The following GPRC5A variants were observed in gnomAD, a reference collection of about 807,000 sequenced individuals.
The protein encoded by GPRC5A is retinoic acid-induced protein 3.
A neutral mutation model predicts 22.5 loss-of-function variants in GPRC5A; 19 were observed. The ratio of observed to expected loss-of-function variants is 0.85; its 90% CI spans 0.59 to 1.24. The LOEUF (loss-of-function observed/expected upper bound fraction) is 1.24. Ranked by LOEUF, GPRC5A falls within the 50% of genes most tolerant of loss-of-function variation. The pLI, the probability that GPRC5A is intolerant of heterozygous loss-of-function variation, is 0.00. For missense variants in GPRC5A, 471 were observed against 451.1 expected (o/e 1.04, Z -0.40); for synonymous variants, 192 against 184.5 (o/e 1.04, Z -0.33).
chr12:12,912,392 TG>T (rs1864014330), intron 3 of GPRC5A, 54 bp from the exon 4 acceptor site: 1 of 1,149,874 alleles, frequency 8.7e-7, no homozygotes, highest in African/African-American at 1.5e-5. Flanking sequence ...ACTGGAGACC[TG>T]TTGAAATGGC....
At chr12:12,901,960 G>A (rs1023279683) in intron 1 of GPRC5A, among the ~76,000 whole-genome samples, 2 of 152,088 alleles carry the variant, frequency 1.3e-5, no homozygotes, top group Non-Finnish European at 2.9e-5. Context: ...CTAGCCCTTT[G>A]CTCCTCTCCC....
At chr12:12,894,772 G>GCT (rs1279112769) in intron 1 of GPRC5A, among the ~76,000 whole-genome samples, 1 of 67,426 alleles carries the variant, frequency 1.5e-5, no homozygotes, top group Non-Finnish European at 2.6e-5. Flanking sequence ...GTCTAGGATG[G>GCT]TTTTTTTTTT....
intron 1 of GPRC5A, among the ~76,000 whole-genome samples, chr12:12,907,815 T>C (rs530965323): frequency 1.3e-5 from 2 of 152,242 alleles, no homozygotes; most frequent in South Asian, 4.2e-4. Flanking sequence ...AATATAAAGA[T>C]GGAGTCTTGC....
At chr12:12,897,209 C>G (rs1314974612) in intron 1 of GPRC5A, among the ~76,000 whole-genome samples, 4 of 101,150 alleles carry the variant, frequency 4.0e-5, no homozygotes, top group African/African-American at 1.6e-4. Flanking sequence ...GGCTGGAGTA[C>G]AGAGCAAGAC....
intron 1 of GPRC5A, among the ~76,000 whole-genome samples, chr12:12,898,723 G>A (rs1358002700): frequency 6.6e-6 from 1 of 152,150 alleles, no homozygotes; most frequent in Non-Finnish European, 1.5e-5. Context: ...TGACAGTGGT[G>A]CCACTCAGTT....
At position 12,913,261 on chromosome 12, in the gene GPRC5A, C is replaced by T. The variant is rs1441964047; in HGVS notation, c.*722C>T. On this transcript the variant is annotated 3_prime_UTR_variant, in exon 4 of 4. Transcript: ENST00000014914. ...GAGGCTAAAGATCACCCTAAATTTACTCATCTCTCTAGTGCTGCCTCACAT... is the reference window on the plus strand; with the variant it reads ...GAGGCTAAAGATCACCCTAAATTTATTCATCTCTCTAGTGCTGCCTCACAT... 1 of 152,808 alleles carries T rather than the reference C, an allele frequency of 6.5e-6. No homozygotes were observed. The highest frequency in any genetic ancestry group is 1.5e-5 in the Non-Finnish European group (1 of 68,170). 9.5% of individuals were successfully genotyped at this position (152,808 alleles called of 1,614,324 possible).
At chr12:12,903,244 A>T (rs542235400) in intron 1 of GPRC5A, among the ~76,000 whole-genome samples, 1 of 152,326 alleles carries the variant, frequency 6.6e-6, no homozygotes, top group South Asian at 2.1e-4. Flanking sequence ...GGACTCCATT[A>T]TAAAACTTTC....
Position 12,908,302 on chromosome 12 carries a change from A to G in GPRC5A, c.53A>G (p.Tyr18Cys), listed in dbSNP as rs1259236580. Reference sequence around the variant, plus strand: ...CGCAATGGCCTGAAATCCAAGTACTACAGACTTTGTGATAAGGCTGAAGCT... The same window carrying G: ...CGCAATGGCCTGAAATCCAAGTACTGCAGACTTTGTGATAAGGCTGAAGCT... ...GCRNGLKSKY[Y>C]RLCDKAEAWG... Residue 18 changes from tyrosine (Y) to cysteine (C), a missense_variant, in exon 2 of 4, where the codon TAC becomes TGC. By Grantham distance (194) the Tyr-to-Cys change is radical. Coordinates refer to ENST00000014914, the MANE Select transcript of GPRC5A (RefSeq NM_003979.4). 1.9e-6 allele frequency: 3 copies of G among 1,612,098 alleles called. No homozygotes were observed. In the East Asian group the frequency reaches 6.7e-5, roughly 36 times the overall value.
chr12:12,893,128 C>G (rs10845665), intron 1 of GPRC5A, among the ~76,000 whole-genome samples: 66,040 of 152,104 alleles, frequency 0.43, 17,763 homozygotes, highest in Non-Finnish European at 0.58. Context: ...AGACTGATTT[C>G]TCCTCCCAGC....
chr12:12,912,858 G>A lies in GPRC5A; in HGVS notation c.*319G>A. On this transcript the variant is annotated 3_prime_UTR_variant, in exon 4 of 4. Transcript: ENST00000014914. ...GTTTTTTGAAACAGGATCTTGCTCT[G>A]TCACCCAGGCTTGAGTGCAGTGGTG... The A allele has an allele frequency of 3.7e-6, 1 of 272,048 alleles. No individual in the cohort carries two copies. Among genetic ancestry groups the A allele is most frequent in the East Asian group, 7.7e-5 (1 of 12,976 alleles). 16.9% of individuals were successfully genotyped at this position (272,048 alleles called of 1,614,324 possible).
rs1284880593 is a variant in GPRC5A at position 12,917,903 on chromosome 12, G to A, written c.*5364G>A. On this transcript the variant is annotated 3_prime_UTR_variant, in exon 4 of 4. Transcript: ENST00000014914. Reference sequence around the variant, plus strand: ...CTCATGACTGTATTTTCTAATCAGAGACAATAACATTTTAAATAAAACAAC... The same window carrying A: ...CTCATGACTGTATTTTCTAATCAGAAACAATAACATTTTAAATAAAACAAC... The A allele has an allele frequency of 2.6e-5, 4 of 152,096 alleles. No individual in the cohort carries two copies. The highest frequency in any genetic ancestry group is 4.8e-5 in the African/African-American group (2 of 41,366). 9.4% of individuals were successfully genotyped at this position (152,096 alleles called of 1,614,324 possible).
At position 12,908,723 on chromosome 12, in the gene GPRC5A, T is replaced by C; in HGVS notation, c.474T>C (p.Asn158=). 1 of 1,614,056 alleles carries C rather than the reference T, an allele frequency of 6.2e-7. No homozygotes were observed. The change falls in exon 2 of 4, where the codon AAT becomes AAC. Residue 158 remains asparagine (N), a synonymous_variant. Transcript: ENST00000014914. ...TTGAATATATTGTCCTGACCATGAATAGGACCAACGTCAATGTCTTTTCTG... is the reference window on the plus strand; with the variant it reads ...TTGAATATATTGTCCTGACCATGAACAGGACCAACGTCAATGTCTTTTCTG... ...IAIEYIVLTM[N]RTNVNVFSEL...
intron 1 of GPRC5A, among the ~76,000 whole-genome samples, chr12:12,892,810 T>G (rs1276722097): frequency 6.6e-6 from 1 of 152,172 alleles, no homozygotes; most frequent in East Asian, 1.9e-4. Flanking sequence ...CCACACCTGT[T>G]GAAGGGTTCG....
At chr12:12,904,716 A>C (rs1236796255) in intron 1 of GPRC5A, among the ~76,000 whole-genome samples, 1 of 152,158 alleles carries the variant, frequency 6.6e-6, no homozygotes, top group Non-Finnish European at 1.5e-5. Context: ...CACACTATAC[A>C]TAATATCGTG....
chr12:12,908,790 C>T lies in GPRC5A; in HGVS notation c.541C>T (p.Leu181Phe). The T allele has an allele frequency of 6.2e-7, 1 of 1,614,180 alleles. No homozygotes were observed. Among genetic ancestry groups the T allele is most frequent in the African/African-American group, 1.3e-5 (1 of 75,068 alleles). ...TCGCAATGAAGACTTTGTCCTCCTGCTCACCTACGTCCTCTTCTTGATGGC... is the reference window on the plus strand; with the variant it reads ...TCGCAATGAAGACTTTGTCCTCCTGTTCACCTACGTCCTCTTCTTGATGGC... ...PRRNEDFVLL[L>F]TYVLFLMALT... The change falls in exon 2 of 4, where the codon CTC becomes TTC. Residue 181 changes from leucine (L) to phenylalanine (F), a missense_variant. Transcript: ENST00000014914.
At chr12:12,897,905 C>T (rs532193408) in intron 1 of GPRC5A, among the ~76,000 whole-genome samples, 25 of 152,102 alleles carry the variant, frequency 1.6e-4, no homozygotes, top group African/African-American at 5.3e-4. Context: ...CCACTGCGCC[C>T]GGCCGATAAT....
At chr12:12,893,968 G>C (rs1229353663) in intron 1 of GPRC5A, among the ~76,000 whole-genome samples, 1 of 152,136 alleles carries the variant, frequency 6.6e-6, no homozygotes, top group Admixed American at 6.6e-5. Context: ...CACCATGTTG[G>C]CCAGACTGGT....
At chr12:12,901,520 C>A (rs1027400584) in intron 1 of GPRC5A, among the ~76,000 whole-genome samples, 1 of 152,090 alleles carries the variant, frequency 6.6e-6, no homozygotes, top group Non-Finnish European at 1.5e-5. Context: ...ACCCCACACA[C>A]CGAGCGCCAT....
chr12:12,893,913 T>C (rs1863792916), intron 1 of GPRC5A, among the ~76,000 whole-genome samples: 1 of 152,074 alleles, frequency 6.6e-6, no homozygotes, highest in Non-Finnish European at 1.5e-5. Context: ...AGGCGCCCGC[T>C]ACCACGCCTG....
Sources: gnomAD v4.1 joint callset for allele counts (sites outside exome capture counted in the v4.1 genomes callset) on GRCh38, gnomAD v4.1.1 for gene constraint, MANE v1.5 for transcripts, NCBI Gene and HGNC (gene_info 2026-07-23, HGNC 2026-07-21) for gene names.